The following RABGAP1L variants were observed in gnomAD, a reference collection of about 807,000 sequenced individuals.
RABGAP1L encodes the protein RAB GTPase activating protein 1 like.
Under a neutral mutation model 137.7 loss-of-function variants are expected in RABGAP1L, and 63 were observed. The observed-to-expected ratio is 0.46, with a 90% CI of 0.37 to 0.56. The LOEUF (loss-of-function observed/expected upper bound fraction) is 0.56. RABGAP1L is among the 20% of genes least tolerant of loss of function. RABGAP1L has a pLI of 0.00. For synonymous variants in RABGAP1L, 431 were observed against 433.7 expected (o/e 0.99, Z 0.08); for missense variants, 1,095 against 1,244.0 (o/e 0.88, Z 1.80).
chr1:174,735,612 CAAAAAAAAAAAAAAAA>C (rs59281177), intron 17 of RABGAP1L, among the ~76,000 whole-genome samples: 1 of 46,134 alleles, frequency 2.2e-5, no homozygotes, highest in African/African-American at 8.1e-5. Context: ...AACTCCATCT[CAAAAAAAAAAAAAAAA>C]AAAAAAAAAA....
intron 1 of RABGAP1L, among the ~76,000 whole-genome samples, chr1:174,163,263 A>T (rs1423527891): frequency 6.6e-6 from 1 of 152,228 alleles, no homozygotes; most frequent in African/African-American, 2.4e-5. Context: ...GGGTATAAGT[A>T]TGTGAACATC....
chr1:174,622,880 G>A (rs1672640981), intron 13 of RABGAP1L, among the ~76,000 whole-genome samples: 1 of 152,130 alleles, frequency 6.6e-6, no homozygotes, highest in Non-Finnish European at 1.5e-5. Flanking sequence ...ATTTTTGTAG[G>A]TATGTAGTTA....
chr1:174,295,043 T>C (rs1571956388), intron 10 of RABGAP1L, among the ~76,000 whole-genome samples: 1 of 151,800 alleles, frequency 6.6e-6, no homozygotes, highest in Admixed American at 6.6e-5. Flanking sequence ...CTCAGCCTCC[T>C]GGGTAGCTGG....
intron 23 of RABGAP1L, among the ~76,000 whole-genome samples, chr1:174,979,681 T>C (rs549498146): frequency 4.6e-5 from 7 of 152,346 alleles, no homozygotes; most frequent in Non-Finnish European, 7.3e-5. Flanking sequence ...CAGGAAGCTT[T>C]CTATTGTGAA....
intron 19 of RABGAP1L, among the ~76,000 whole-genome samples, chr1:174,930,889 G>A (rs1457348991): frequency 6.6e-6 from 1 of 152,154 alleles, no homozygotes; most frequent in Non-Finnish European, 1.5e-5. Context: ...TATTCTAATA[G>A]TGGGTGCATT....
At chr1:174,327,830 G>T (rs1326435911) in intron 11 of RABGAP1L, among the ~76,000 whole-genome samples, 3 of 150,842 alleles carry the variant, frequency 2.0e-5, no homozygotes, top group Non-Finnish European at 4.4e-5. Flanking sequence ...TAAACTAAAA[G>T]AAAGCAGAAA....
At chr1:174,650,195 T>C (rs1675348091) in intron 14 of RABGAP1L, among the ~76,000 whole-genome samples, 1 of 152,188 alleles carries the variant, frequency 6.6e-6, no homozygotes, top group African/African-American at 2.4e-5. Context: ...CACTTGATCA[T>C]GGTGGATAAG....
intron 23 of RABGAP1L, 103 bp from the exon 24 acceptor site, chr1:174,982,731 G>A (rs1384063725): frequency 2.6e-6 from 3 of 1,156,890 alleles, no homozygotes; most frequent in African/African-American, 3.1e-5. Flanking sequence ...ATTCCTTCTA[G>A]GATCAGATGT....
chr1:174,920,878 G>C (rs1661680130), intron 19 of RABGAP1L, among the ~76,000 whole-genome samples: 1 of 152,102 alleles, frequency 6.6e-6, no homozygotes, highest in Non-Finnish European at 1.5e-5. Context: ...AAAACTGTTA[G>C]GAAAGAAATT....
rs547745065 is a variant in RABGAP1L, at chr1:174,752,372, T to A, written c.2211+18T>A. The A allele has an allele frequency of 1.3e-6, 2 of 1,534,812 alleles. No individual in the cohort carries two copies. Among genetic ancestry groups the A allele is most frequent in the East Asian group, 4.7e-5 (2 of 42,876 alleles). On this transcript the variant is annotated intron_variant, in intron 18 of 25. Transcript: ENST00000681986. The stretch of plus-strand genomic sequence containing the variant: ...TCCTAAAGGTAAGTCTTTTTTTTAA[T>A]CTTAAGTTACCACATTCTCTTACCT...
chr1:174,619,846 A>G (rs1041944891), intron 13 of RABGAP1L, among the ~76,000 whole-genome samples: 2 of 152,224 alleles, frequency 1.3e-5, no homozygotes, highest in African/African-American at 4.8e-5. Flanking sequence ...CAGACTGGCA[A>G]ATTGGATAAA....
intron 13 of RABGAP1L, among the ~76,000 whole-genome samples, chr1:174,571,129 G>C (rs1667950315): frequency 1.3e-5 from 2 of 152,108 alleles, no homozygotes; most frequent in African/African-American, 4.8e-5. Context: ...AACATAGATG[G>C]AACTGGAGAT....
In RABGAP1L at chr1:174,619,863, G is replaced by A. The variant is rs28803838; in HGVS notation, c.1711-17512G>A. Among the ~76,000 whole-genome samples the A allele has an allele frequency of 4.3e-4, 65 of 151,990 alleles. 2 individuals are homozygous for A. The highest frequency in any genetic ancestry group is 2.7e-3 in the South Asian group (13 of 4,806). ...GACTGGCAAATTGGATAAAGAGTCA[G>A]GACCCATCAGTGTGCTGTATTCAGG... is the stretch of plus-strand genomic sequence containing the variant. On this transcript the variant is annotated intron_variant, in intron 13 of 25. Transcript: ENST00000681986.
intron 16 of RABGAP1L, among the ~76,000 whole-genome samples, chr1:174,700,254 C>T (rs1302140086): frequency 2.0e-5 from 3 of 152,134 alleles, no homozygotes; most frequent in African/African-American, 7.2e-5. Context: ...TTGACCAGAG[C>T]TGACAAAAGG....
intron 10 of RABGAP1L, among the ~76,000 whole-genome samples, chr1:174,289,781 C>A (rs1004620366): frequency 6.6e-6 from 1 of 152,152 alleles, no homozygotes; most frequent in African/African-American, 2.4e-5. Flanking sequence ...GGGCAGGCCC[C>A]CTGACTGGTA....
intron 13 of RABGAP1L, among the ~76,000 whole-genome samples, chr1:174,584,022 A>G (rs1668934754): frequency 6.6e-6 from 1 of 152,122 alleles, no homozygotes; most frequent in Non-Finnish European, 1.5e-5. Flanking sequence ...AAGCTTTCTG[A>G]AACAGGCATT....
chr1:174,815,156 T>C (rs1352878856), intron 19 of RABGAP1L, among the ~76,000 whole-genome samples: 1 of 152,220 alleles, frequency 6.6e-6, no homozygotes, highest in Non-Finnish European at 1.5e-5. Context: ...TTCCCCACTC[T>C]GATCTGCCAC....
In RABGAP1L at chr1:174,972,853, C is replaced by CAAAAAAAAAAAAAA. The variant is rs373159573; in HGVS notation, c.2545-3213_2545-3200dup. Reference sequence around the variant, plus strand: ...TGGGTGACAGAGCGAGACTCTGTCTCAAAAAAAAAAAAAAAAAAAAAAAAA... The same window carrying CAAAAAAAAAAAAAA: ...TGGGTGACAGAGCGAGACTCTGTCTCAAAAAAAAAAAAAAAAAAAAAAAAAAAAAAAAAAAAAAA... On this transcript the variant is annotated intron_variant, in intron 21 of 25. Transcript: ENST00000681986. Among the ~76,000 whole-genome samples, 22 of 52,810 alleles carry CAAAAAAAAAAAAAA rather than the reference C, an allele frequency of 4.2e-4. 1 individual carries two copies. The highest frequency in any genetic ancestry group is 1.6e-3 in the African/African-American group (22 of 13,392). 34.6% of individuals were successfully genotyped at this position (52,810 alleles called of 152,430 possible).
At chr1:174,954,507 C>T (rs1668216646) in intron 19 of RABGAP1L, among the ~76,000 whole-genome samples, 1 of 152,044 alleles carries the variant, frequency 6.6e-6, no homozygotes, top group South Asian at 2.1e-4. Flanking sequence ...TTTAAAAGGA[C>T]ATTTTTTTCT....
Sources: gnomAD v4.1 joint callset for allele counts (sites outside exome capture counted in the v4.1 genomes callset) on GRCh38, gnomAD v4.1.1 for gene constraint, MANE v1.5 for transcripts, NCBI Gene and HGNC (gene_info 2026-07-23, HGNC 2026-07-21) for gene names.